DRC8: variants seen among roughly 807,000 people sequenced by gnomAD.
DRC8 encodes dynein regulatory complex protein 8.
the DRC8 span, among the ~76,000 whole-genome samples, chr1:245,070,163 C>A: frequency 1.3e-5 from 2 of 152,034 alleles, no homozygotes; most frequent in South Asian, 2.1e-4. Flanking sequence ...ATGAGGAGTC[C>A]GGGAACCAAT....
chr1:244,999,028 C>G, the DRC8 span, among the ~76,000 whole-genome samples: 1 of 98,972 alleles, frequency 1.0e-5, no homozygotes, highest in Non-Finnish European at 2.0e-5. Context: ...AGGATTCCCT[C>G]AAAAGACAAC....
At chr1:245,006,951 A>T in the DRC8 span, among the ~76,000 whole-genome samples, 1 of 101,530 alleles carries the variant, frequency 9.8e-6, no homozygotes, top group African/African-American at 2.7e-5. Context: ...AACAAACAAC[A>T]ACAACAACAA....
chr1:245,078,929 T>C, the DRC8 span, among the ~76,000 whole-genome samples: 2 of 152,142 alleles, frequency 1.3e-5, no homozygotes, highest in African/African-American at 4.8e-5. Flanking sequence ...ACCTTAAATA[T>C]ATGCAATTTT....
At chr1:245,079,617 C>T in the DRC8 span, among the ~76,000 whole-genome samples, 1 of 152,080 alleles carries the variant, frequency 6.6e-6, no homozygotes, top group African/African-American at 2.4e-5. Context: ...AAAAACAAAC[C>T]ACGGTTCGTA....
At chr1:245,081,745 A>G in the DRC8 span, among the ~76,000 whole-genome samples, 1 of 152,212 alleles carries the variant, frequency 6.6e-6, no homozygotes, top group Non-Finnish European at 1.5e-5. Context: ...CTGGGATTAC[A>G]GGCGTGAGCC....
the DRC8 span, among the ~76,000 whole-genome samples, chr1:244,991,210 A>G: frequency 6.6e-6 from 1 of 152,174 alleles, no homozygotes; most frequent in South Asian, 2.1e-4. Flanking sequence ...GGTTTATCAT[A>G]AAGGATGCAA....
At chr1:245,026,873 T>G in the DRC8 span, among the ~76,000 whole-genome samples, 1 of 152,200 alleles carries the variant, frequency 6.6e-6, no homozygotes, top group Non-Finnish European at 1.5e-5. Context: ...ATGATAAGGA[T>G]TATCCTCAGA....
the DRC8 span, among the ~76,000 whole-genome samples, chr1:245,014,074 A>ATTTT: frequency 0.1 from 15,045 of 150,722 alleles, 849 homozygotes; most frequent in East Asian, 0.24. Flanking sequence ...AAAAAAGAAA[A>ATTTT]GAGTAGTTAA....
At chr1:245,052,309 G>A in the DRC8 span, among the ~76,000 whole-genome samples, 2 of 152,208 alleles carry the variant, frequency 1.3e-5, no homozygotes, top group African/African-American at 4.8e-5. Context: ...GAGATGTTCA[G>A]GATTATGGAC....
the DRC8 span, among the ~76,000 whole-genome samples, chr1:245,028,306 G>T: frequency 6.6e-6 from 1 of 152,094 alleles, no homozygotes; most frequent in Admixed American, 6.5e-5. Context: ...AACTATACTA[G>T]AATTTAACAT....
At chr1:245,021,636 A>G in the DRC8 span, among the ~76,000 whole-genome samples, 1 of 152,056 alleles carries the variant, frequency 6.6e-6, no homozygotes, top group Non-Finnish European at 1.5e-5. Flanking sequence ...GGGTCTTGCT[A>G]TGTTGCCCAG....
chr1:245,020,164 A>T, the DRC8 span, among the ~76,000 whole-genome samples: 161 of 152,204 alleles, frequency 1.1e-3, 1 homozygote, highest in South Asian at 0.012. Flanking sequence ...TGAGAGGTCT[A>T]GGTCTTAGAA....
At chr1:245,044,052 A>G in the DRC8 span, 1 of 152,236 alleles carries the variant, frequency 6.6e-6, no homozygotes, top group Admixed American at 6.5e-5. Flanking sequence ...TCTGTATTAA[A>G]TGCAAAATAA....
chr1:244,974,994 G>A, the DRC8 span, among the ~76,000 whole-genome samples: 5 of 151,450 alleles, frequency 3.3e-5, no homozygotes, highest in Admixed American at 2.0e-4. Flanking sequence ...GCAGTGGCAC[G>A]ATCTTGGCTC....
the DRC8 span, among the ~76,000 whole-genome samples, chr1:245,096,838 A>C: frequency 6.6e-6 from 1 of 152,168 alleles, no homozygotes; most frequent in Non-Finnish European, 1.5e-5. Flanking sequence ...CAGCTGTGTC[A>C]GGTATAGGAT....
the DRC8 span, among the ~76,000 whole-genome samples, chr1:245,113,325 T>A: frequency 3.3e-5 from 5 of 152,020 alleles, no homozygotes; most frequent in Non-Finnish European, 5.9e-5. Context: ...TATCTAAGAG[T>A]TGCTTTCAGG....
chr1:244,986,513 A>G, the DRC8 span, among the ~76,000 whole-genome samples: 1 of 152,140 alleles, frequency 6.6e-6, no homozygotes, highest in Non-Finnish European at 1.5e-5. Flanking sequence ...CTTCTATACA[A>G]GAGCAAGAGG....
chr1:245,119,866 G>A, the DRC8 span, among the ~76,000 whole-genome samples: 1 of 152,038 alleles, frequency 6.6e-6, no homozygotes, highest in Non-Finnish European at 1.5e-5. Flanking sequence ...CCAGGAGGTG[G>A]AGCTTGCAGT....
At chr1:245,029,621 A>T in the DRC8 span, among the ~76,000 whole-genome samples, 1 of 139,826 alleles carries the variant, frequency 7.2e-6, no homozygotes, top group African/African-American at 2.7e-5. Flanking sequence ...TTGGAAAAGG[A>T]ATCTCGCTCT....
Sources: allele counts gnomAD v4.1 joint callset (sites outside exome capture counted in the v4.1 genomes callset), GRCh38; gene constraint gnomAD v4.1.1; transcripts MANE v1.5; gene names NCBI Gene and HGNC (gene_info 2026-07-23, HGNC 2026-07-21).